The following SLC41A1 variants were observed in gnomAD, a reference collection of about 807,000 sequenced individuals.
The protein encoded by SLC41A1 is solute carrier family 41 (magnesium transporter), member 1.
Under a neutral mutation model 47.3 loss-of-function variants are expected in SLC41A1, and 20 were observed. The ratio of observed to expected loss-of-function variants is 0.42; its 90% CI spans 0.30 to 0.61. The LOEUF (loss-of-function observed/expected upper bound fraction) is 0.61. Among genes scored for constraint, SLC41A1 ranks in the 20% least tolerant of loss-of-function variants. The probability of loss-of-function intolerance (pLI) is 0.17; values close to 1 mark genes in which losing one functional copy is unlikely to be tolerated. For synonymous variants in SLC41A1, 282 were observed against 272.7 expected, an observed-to-expected ratio of 1.03 and a Z score of -0.34; for missense variants, 504 against 674.1, an observed-to-expected ratio of 0.75 and a Z score of 2.79.
In SLC41A1 at chr1:205,791,777, G is replaced by A; in HGVS notation, c.1357-59C>T. On this transcript the variant is annotated intron_variant, in intron 10 of 10. Transcript: ENST00000367137. This position sits in a 1 kb window ranked among gnomAD's most constrained non-coding sequence, Gnocchi z 4.0. Reference sequence around the variant, plus strand: ...CCTCTCTCTCCAGGGGGAGCCAGAGGCCACATGATCAGACCCATTCAGTGC... The same window carrying A: ...CCTCTCTCTCCAGGGGGAGCCAGAGACCACATGATCAGACCCATTCAGTGC... The A allele has an allele frequency of 6.3e-7, 1 of 1,593,758 alleles. No homozygotes were observed. The highest frequency in any genetic ancestry group is 8.5e-7 in the Non-Finnish European group (1 of 1,169,604).
chr1:205,797,255 CT>C (rs1655770832), intron 7 of SLC41A1, among the ~76,000 whole-genome samples: 1 of 152,226 alleles, frequency 6.6e-6, no homozygotes, highest in African/African-American at 2.4e-5. Context: ...TACCTGCCCT[CT>C]AAGTTGGCCG....
chr1:205,805,806 CT>C (rs1160507480), intron 2 of SLC41A1, among the ~76,000 whole-genome samples: 1 of 152,218 alleles, frequency 6.6e-6, no homozygotes, highest in Non-Finnish European at 1.5e-5. Flanking sequence ...CTTCCTTGCC[CT>C]TCCAATGCGC....
chr1:205,806,644 C>A (rs1463721603), intron 2 of SLC41A1, among the ~76,000 whole-genome samples: 1 of 152,192 alleles, frequency 6.6e-6, no homozygotes, highest in African/African-American at 2.4e-5. Context: ...CAGGCCCCAG[C>A]CTGCTTCCCT....
intron 10 of SLC41A1, among the ~76,000 whole-genome samples, chr1:205,794,582 C>T (rs1039394082): frequency 7.9e-5 from 12 of 152,084 alleles, no homozygotes; most frequent in African/African-American, 2.9e-4. Context: ...GGCTCAGCAT[C>T]CTACAACCAC....
intron 7 of SLC41A1, 42 bp downstream of exon 7, chr1:205,797,862 G>A: frequency 6.2e-7 from 1 of 1,613,392 alleles, no homozygotes; most frequent in Non-Finnish European, 8.5e-7. Context: ...CTGTGGAAGG[G>A]TTGGAGTGGG....
At chr1:205,795,192 C>T in intron 9 of SLC41A1, 152 bp downstream of exon 9, 1 of 1,439,206 alleles carries the variant, frequency 6.9e-7, no homozygotes, top group Non-Finnish European at 9.5e-7. Flanking sequence ...AAAGACAGCC[C>T]TCCTGCCTGG....
At position 205,813,047 on chromosome 1, in the gene SLC41A1, G is replaced by C; in HGVS notation, c.-886C>G. ...CCGCTTCCACGCGGGGGAGGTGGCC[G>C]GGGAGGGCAGGATATATCGCTTCGG... is the stretch of plus-strand genomic sequence containing the variant. On this transcript the variant is annotated 5_prime_UTR_variant, in exon 1 of 11. Coordinates refer to ENST00000367137, the MANE Select transcript of SLC41A1 (RefSeq NM_173854.6). 1.0e-6 allele frequency: 1 copy of C among 985,528 alleles called. No individual in the cohort carries two copies. Among genetic ancestry groups the C allele is most frequent in the Non-Finnish European group, 1.2e-6 (1 of 829,998 alleles). 61.0% of individuals were successfully genotyped at this position (985,528 alleles called of 1,614,324 possible).
At chr1:205,809,069 T>C (rs1221969817) in intron 2 of SLC41A1, among the ~76,000 whole-genome samples, 2 of 152,200 alleles carry the variant, frequency 1.3e-5, no homozygotes, top group African/African-American at 4.8e-5. Context: ...TGCCTTGGTA[T>C]TAATATTTCT....
intron 10 of SLC41A1, 50 bp downstream of exon 10, chr1:205,794,820 T>C: frequency 6.2e-7 from 1 of 1,610,830 alleles, no homozygotes; most frequent in Non-Finnish European, 8.5e-7. Context: ...CTCCCATCCC[T>C]GCAGGGCATC....
intron 10 of SLC41A1, among the ~76,000 whole-genome samples, chr1:205,793,445 C>T (rs997601831): frequency 2.0e-5 from 3 of 152,226 alleles, no homozygotes; most frequent in African/African-American, 7.2e-5. Flanking sequence ...CTTCCCACCA[C>T]GTGCTGCACT....
chr1:205,807,384 A>G (rs1213228359), intron 2 of SLC41A1, among the ~76,000 whole-genome samples: 1 of 152,138 alleles, frequency 6.6e-6, no homozygotes, highest in Non-Finnish European at 1.5e-5. Context: ...GAGGTGCCAC[A>G]CTGAGAGCAG....
In SLC41A1 at chr1:205,810,087, C is replaced by T. The variant is rs1341082978; in HGVS notation, c.355G>A (p.Val119Met). ...AGFGTVAAGM[V>M]LDIVQHWEVF... ...GGTCCTACCTGCACGATGTCCAACA[C>T]CATGCCAGCAGCCACGGTCCCAAAG... The change falls in exon 2 of 11, where the codon GTG (valine) becomes ATG (methionine). Residue 119 changes from valine to methionine, a missense_variant. Around this residue, in one of 2 missense-constraint regions of SLC41A1, gnomAD observed 421 missense variants for 601.6 expected, o/e 0.70. Transcript: ENST00000367137. This position sits in a 1 kb window ranked among gnomAD's most constrained non-coding sequence, Gnocchi z 5.5. The T allele has an allele frequency of 6.2e-7, 1 of 1,614,210 alleles. No homozygotes were observed. The highest frequency in any genetic ancestry group is 1.7e-5 in the Admixed American group (1 of 60,030).
At chr1:205,809,801 C>T (rs1309781938) in intron 2 of SLC41A1, among the ~76,000 whole-genome samples, 1 of 152,164 alleles carries the variant, frequency 6.6e-6, no homozygotes, top group Non-Finnish European at 1.5e-5. Context: ...TGTTCCATCT[C>T]TCCTCTCCCA....
At chr1:205,801,748 G>A (rs1655885650) in intron 2 of SLC41A1, among the ~76,000 whole-genome samples, 1 of 152,206 alleles carries the variant, frequency 6.6e-6, no homozygotes, top group African/African-American at 2.4e-5. Context: ...CCTGGACCGG[G>A]AGTCAGGAGA....
rs1332517769 is a variant in SLC41A1 at position 205,794,143 on chromosome 1, C to A, written c.1356+727G>T. Reference sequence around the variant, plus strand: ...ATAAAAACTGCATAGAACGAACACACACGCACACACACACACGAGTGCATG... The same window carrying A: ...ATAAAAACTGCATAGAACGAACACAAACGCACACACACACACGAGTGCATG... On this transcript the variant is annotated intron_variant, in intron 10 of 10. Transcript: ENST00000367137. Among the ~76,000 whole-genome samples the A allele has an allele frequency of 5.4e-5, 4 of 74,428 alleles. No homozygotes were observed. The East Asian group carries it at 1.9e-3, about 36-fold the overall frequency. The allele number at this position is 74,428 out of a possible 152,430, so 48.8% of individuals were successfully genotyped here. A position where few individuals can be genotyped will look rare whatever the true frequency, so the allele number is the denominator to read the frequency against.
At position 205,794,791 on chromosome 1, in the gene SLC41A1, AGGCCAAGTC is replaced by A; in HGVS notation, c.1356+70_1356+78del. 3 of 1,586,706 alleles carry A rather than the reference AGGCCAAGTC, an allele frequency of 1.9e-6. No homozygotes were observed. The South Asian group carries it at 3.4e-5, about 18-fold the overall frequency. ...AGAAAGAGGAGGTTGAGTGTCTAAGAGGCCAAGTCTGGCCTCCTCTCCCATCCCTGCAGG... is the reference window on the plus strand; with the variant it reads ...AGAAAGAGGAGGTTGAGTGTCTAAGATGGCCTCCTCTCCCATCCCTGCAGG... On this transcript the variant is annotated intron_variant, in intron 10 of 10. Transcript: ENST00000367137.
intron 2 of SLC41A1, among the ~76,000 whole-genome samples, chr1:205,807,806 G>A (rs1182039575): frequency 1.3e-5 from 2 of 150,032 alleles, no homozygotes; most frequent in African/African-American, 2.5e-5. Context: ...ATACGAGAAT[G>A]CCACCATGCC....
At chr1:205,805,917 G>C (rs550033828) in intron 2 of SLC41A1, among the ~76,000 whole-genome samples, 1 of 152,332 alleles carries the variant, frequency 6.6e-6, no homozygotes, top group East Asian at 1.9e-4. Context: ...TAGCAGCAGG[G>C]AAGAAAGTCA....
At chr1:205,808,909 T>C (rs1378326165) in intron 2 of SLC41A1, among the ~76,000 whole-genome samples, 1 of 152,226 alleles carries the variant, frequency 6.6e-6, no homozygotes, top group African/African-American at 2.4e-5. Flanking sequence ...GACACAGGCA[T>C]GGTGAGACCT....
Sources: gnomAD v4.1 joint callset for allele counts (sites outside exome capture counted in the v4.1 genomes callset) on GRCh38, gnomAD v4.1.1 for gene constraint, gnomAD v4.1.1 regional missense constraint, Gnocchi (gnomAD v3.1) non-coding constraint, MANE v1.5 for transcripts, NCBI Gene and HGNC (gene_info 2026-07-23, HGNC 2026-07-21) for gene names.